The following NTRK1 variants were observed in gnomAD, a reference collection of about 807,000 sequenced individuals.
NTRK1 encodes the protein high affinity nerve growth factor receptor.
In NTRK1, 62 loss-of-function variants were observed where a neutral mutation model predicts 86.8. The ratio of observed to expected loss-of-function variants is 0.71; its 90% CI spans 0.58 to 0.88. The LOEUF (loss-of-function observed/expected upper bound fraction) is 0.88, where lower values mean the gene tolerates loss of function less well. Among genes scored for constraint, NTRK1 ranks in the 40% least tolerant of loss-of-function variants. NTRK1 has a pLI of 0.00. For missense variants in NTRK1, 967 were observed against 1,078.4 expected (o/e 0.90, Z 1.45); for synonymous variants, 469 against 456.6 (o/e 1.03, Z -0.35).
chr1:156,880,564 T>C, intron 16 of NTRK1: 1 of 196,940 alleles, frequency 5.1e-6, no homozygotes, highest in Non-Finnish European at 1.0e-5. Context: ...AGGACAGTCC[T>C]ACCCCCTCCC....
chr1:156,841,775 G>A lies in NTRK1; in HGVS notation c.-63-306G>A, dbSNP rs141747592. ...TGCGGTAATAGTCTGTCTCATACAC[G>A]TCCCGAGTCATCCCGAAGTCTGGAA... On this transcript the variant is annotated intron_variant, in intron 1 of 16. Transcript: ENST00000392302. The A allele has an allele frequency of 9.9e-5, 159 of 1,614,082 alleles. No individual in the cohort carries two copies. In the African/African-American group the frequency reaches 1.7e-3, roughly 17 times the overall value.
intron 1 of NTRK1, chr1:156,841,619 TC>T (rs1311021229): frequency 1.2e-6 from 2 of 1,609,728 alleles, no homozygotes; most frequent in African/African-American, 2.7e-5. Context: ...CCTCCCCAGA[TC>T]CCGCCTCCAC....
chr1:156,840,574 C>T lies in NTRK1; in HGVS notation c.-63-1507C>T, dbSNP rs1654735484. On this transcript the variant is annotated intron_variant, in intron 1 of 16. Transcript: ENST00000392302. ...GGCCTCTAGGGTGGGCGGGCCCCCT[C>T]TTCCTAGTCTGAGTGGGGTCCCTAC... is the stretch of plus-strand genomic sequence containing the variant. 4 of 444,326 alleles carry T rather than the reference C, an allele frequency of 9.0e-6. No homozygotes were observed. In the South Asian group the frequency reaches 1.0e-4, roughly 11 times the overall value. The allele number at this position is 444,326 out of a possible 1,614,324, so 27.5% of individuals were successfully genotyped here.
At chr1:156,847,797 A>G (rs1194744491) in intron 2 of NTRK1, among the ~76,000 whole-genome samples, 1 of 152,142 alleles carries the variant, frequency 6.6e-6, no homozygotes, top group Non-Finnish European at 1.5e-5. Context: ...CTGAGGGAGC[A>G]TAGCTGCAGC....
chr1:156,843,139 C>G lies in NTRK1; in HGVS notation c.50+946C>G, dbSNP rs1163675041. On this transcript the variant is annotated intron_variant, in intron 2 of 16. Coordinates refer to the NTRK1 transcript ENST00000392302. ...CCTCTCCAGCCTCAAGTCCTCGTGC[C>G]AGCCCCTCATATACCATCCCAAAAG... 3.7e-6 allele frequency: 6 copies of G among 1,614,064 alleles called. No homozygotes were observed. In the South Asian group the frequency reaches 6.6e-5, roughly 18 times the overall value.
chr1:156,848,576 C>T (rs1284503210), intron 2 of NTRK1, among the ~76,000 whole-genome samples: 1 of 152,194 alleles, frequency 6.6e-6, no homozygotes, highest in Non-Finnish European at 1.5e-5. Flanking sequence ...AATTAGTGGG[C>T]GCTCCCCAAA....
intron 1 of NTRK1, among the ~76,000 whole-genome samples, chr1:156,817,315 G>T (rs927916276): frequency 1.2e-4 from 19 of 152,022 alleles, no homozygotes; most frequent in African/African-American, 4.6e-4. Context: ...GGGCATGGTG[G>T]CTCATGCTTG....
Position 156,873,018 on chromosome 1 carries a change from AGTGTGTGTGTGTGTGTGT to A in NTRK1, c.851-588_851-571del, listed in dbSNP as rs55870362. Among the ~76,000 whole-genome samples the A allele has an allele frequency of 3.8e-3, 503 of 131,016 alleles. 2 individuals are homozygous for A. The highest frequency in any genetic ancestry group is 6.3e-3 in the Non-Finnish European group (393 of 62,494). The allele number at this position is 131,016 out of a possible 152,430, so 86.0% of individuals were successfully genotyped here. A position where few individuals can be genotyped will look rare whatever the true frequency, so the allele number is the denominator to read the frequency against. ...CAAACGCATATCTTTTTTCAAAAAG[AGTGTGTGTGTGTGTGTGT>A]GTGTGTGTGTGTGTGTGTGTGTGTG... On this transcript the variant is annotated intron_variant, in intron 7 of 16. Coordinates refer to ENST00000524377, the MANE Select transcript of NTRK1 (RefSeq NM_002529.4).
At position 156,880,647 on chromosome 1, in the gene NTRK1, C is replaced by G. The variant is rs1005467473; in HGVS notation, c.2205+490C>G. ...TCTCCCAGAGCAGCTGCCCCCACCC[C>G]CTGCTTGGCTCGCAGCTGTCAGTTT... On this transcript the variant is annotated intron_variant, in intron 16 of 16. Transcript: ENST00000524377. The G allele has an allele frequency of 8.1e-5, 13 of 160,180 alleles. No homozygotes were observed. In the East Asian group the frequency reaches 1.3e-3, roughly 16 times the overall value. 9.9% of individuals were successfully genotyped at this position (160,180 alleles called of 1,614,324 possible). A position where few individuals can be genotyped will look rare whatever the true frequency, so the allele number is the denominator to read the frequency against.
intron 1 of NTRK1, among the ~76,000 whole-genome samples, chr1:156,824,633 C>T (rs1034973222): frequency 3.9e-5 from 6 of 152,168 alleles, no homozygotes; most frequent in African/African-American, 1.4e-4. Context: ...GGCACTTAGT[C>T]TCTGCTAGGG....
Position 156,833,659 on chromosome 1 carries a change from A to T in NTRK1, c.-63-8422A>T, listed in dbSNP as rs141425836. On this transcript the variant is annotated intron_variant, in intron 1 of 16. Transcript: ENST00000392302. ...AATAATAACTACCATGATGCTGGTCATTTGCTTGTTTCTTGGCTCTAAACC... is the reference window on the plus strand; with the variant it reads ...AATAATAACTACCATGATGCTGGTCTTTTGCTTGTTTCTTGGCTCTAAACC... Among the ~76,000 whole-genome samples, 39 of 152,264 alleles carry T rather than the reference A, an allele frequency of 2.6e-4. No individual in the cohort carries two copies. In the East Asian group the frequency reaches 7.3e-3, roughly 29 times the overall value.
At chr1:156,857,633 C>A (rs1251391962), upstream of NTRK1, among the ~76,000 whole-genome samples, 1 of 152,136 alleles carries the variant, frequency 6.6e-6, no homozygotes, top group Non-Finnish European at 1.5e-5. Context: ...GACTAGCACC[C>A]TTTAGGGGAC....
Position 156,876,097 on chromosome 1 carries a change from C to T in NTRK1, c.1519C>T (p.Arg507Cys), listed in dbSNP as rs757590743. Residue 507 changes from arginine (R) to cysteine (C), a missense_variant, in exon 13 of 17, where the codon CGC (arginine) becomes TGC (cysteine). Physicochemically the swap from Arg to Cys is radical, Grantham distance 180 (BLOSUM62 -3). Coordinates refer to ENST00000524377, the MANE Select transcript of NTRK1 (RefSeq NM_002529.4). Reference sequence around the variant, plus strand: ...CCCCTCAGGTGTTCACCACATCAAGCGCCGGGACATCGTGCTCAAGTGGGA... The same window carrying T: ...CCCCTCAGGTGTTCACCACATCAAGTGCCGGGACATCGTGCTCAAGTGGGA... ...FSDACVHHIK[R>C]RDIVLKWELG... is the part of the protein sequence containing the mutation. 4.0e-5 allele frequency: 64 copies of T among 1,614,114 alleles called. No homozygotes were observed. Among genetic ancestry groups the T allele is most frequent in the Middle Eastern group, 1.6e-4 (1 of 6,080 alleles).
At chr1:156,841,466 G>A in intron 1 of NTRK1, 2 of 1,613,914 alleles carry the variant, frequency 1.2e-6, no homozygotes, top group Non-Finnish European at 8.5e-7. Flanking sequence ...CTGCTCATTG[G>A]ACAGGCCCTG....
chr1:156,878,978 A>C, intron 14 of NTRK1, 144 bp from the exon 15 acceptor site: 4 of 913,482 alleles, frequency 4.4e-6, no homozygotes, highest in Non-Finnish European at 6.6e-6. Flanking sequence ...CCCTCTGGAC[A>C]GCTGCCTCTA....
chr1:156,840,777 A>G (rs1654744242), intron 1 of NTRK1: 2 of 946,530 alleles, frequency 2.1e-6, no homozygotes, highest in Non-Finnish European at 3.3e-6. Context: ...CCTTGCCCTG[A>G]GTTGGGGTGG....
chr1:156,879,432 T>G, intron 15 of NTRK1, 70 bp downstream of exon 15: 5 of 1,540,460 alleles, frequency 3.2e-6, no homozygotes, highest in Non-Finnish European at 4.4e-6. Context: ...CCAAGACCAC[T>G]GAGAGCCTGC....
At position 156,845,619 on chromosome 1, in the gene NTRK1, A is replaced by G. The variant is rs149045422; in HGVS notation, c.50+3426A>G. 892 of 1,508,268 alleles carry G rather than the reference A, an allele frequency of 5.9e-4. 2 individuals are homozygous for G. The highest frequency in any genetic ancestry group is 7.7e-4 in the Non-Finnish European group (858 of 1,117,686). 93.4% of individuals were successfully genotyped at this position (1,508,268 alleles called of 1,614,324 possible). A position where few individuals can be genotyped will look rare whatever the true frequency, so the allele number is the denominator to read the frequency against. On this transcript the variant is annotated intron_variant, in intron 2 of 16. Transcript: ENST00000392302. ...CCCAGGCCGCGCGCGCTCTTCGCAC[A>G]TGGGGATGGTGATCGCGTTGTGTAG...
chr1:156,861,927 T>C (rs1571682248), intron 1 of NTRK1, among the ~76,000 whole-genome samples: 1 of 152,230 alleles, frequency 6.6e-6, no homozygotes, highest in East Asian at 1.9e-4. Context: ...AAGTACTTTT[T>C]AGCAGCTGGT....
Sources: allele counts gnomAD v4.1 joint callset (sites outside exome capture counted in the v4.1 genomes callset), GRCh38; gene constraint gnomAD v4.1.1; transcripts MANE v1.5; gene names NCBI Gene and HGNC (gene_info 2026-07-23, HGNC 2026-07-21).